Variants in CDH12 observed in about 807,000 individuals in gnomAD.
CDH12 encodes the protein cadherin 12.
In CDH12, 41 loss-of-function variants were observed where a neutral mutation model predicts 74.1. That is an observed-to-expected ratio of 0.55 (90% CI 0.43 to 0.72). The LOEUF is 0.72. Ranked by LOEUF, CDH12 falls within the 30% of genes least tolerant of loss-of-function variation. The probability of loss-of-function intolerance (pLI) is 0.00; values close to 1 mark genes in which losing one functional copy is unlikely to be tolerated. For missense variants in CDH12, 945 were observed against 977.2 expected, an observed-to-expected ratio of 0.97 and a Z score of 0.44; for synonymous variants, 399 against 355.0, an observed-to-expected ratio of 1.12 and a Z score of -1.39.
intron 2 of CDH12, among the ~76,000 whole-genome samples, chr5:22,481,884 A>G (rs2551501): frequency 0.94 from 142,824 of 152,026 alleles, 67,175 homozygotes; most frequent in Admixed American, 0.97. Flanking sequence ...GCACTTAAGA[A>G]AAAAACAAAA....
chr5:22,564,571 A>G (rs1310205601), intron 1 of CDH12, among the ~76,000 whole-genome samples: 1 of 151,138 alleles, frequency 6.6e-6, no homozygotes, highest in African/African-American at 2.4e-5. Context: ...CTTTCTTTTA[A>G]ATTTTTTACT....
chr5:22,454,003 A>G (rs1026365823), intron 2 of CDH12, among the ~76,000 whole-genome samples: 1 of 152,302 alleles, frequency 6.6e-6, no homozygotes, highest in Non-Finnish European at 1.5e-5. Flanking sequence ...AATATGAGAT[A>G]TAATAAGTAA....
intron 5 of CDH12, among the ~76,000 whole-genome samples, chr5:22,029,383 C>A (rs1449289621): frequency 2.0e-5 from 3 of 151,934 alleles, no homozygotes; most frequent in East Asian, 1.9e-4. Context: ...GGCTAATATC[C>A]AGAATCTACA....
intron 6 of CDH12, among the ~76,000 whole-genome samples, chr5:21,956,797 T>A (rs1756119932): frequency 6.6e-6 from 1 of 152,238 alleles, no homozygotes; most frequent in South Asian, 2.1e-4. Flanking sequence ...AGCATTATTA[T>A]TAAATAAAGA....
intron 1 of CDH12, among the ~76,000 whole-genome samples, chr5:22,566,788 A>G (rs1222764625): frequency 6.6e-6 from 1 of 152,150 alleles, no homozygotes; most frequent in East Asian, 1.9e-4. Flanking sequence ...CAATAATAAC[A>G]TTACTAAACA....
intron 3 of CDH12, among the ~76,000 whole-genome samples, chr5:22,366,408 A>G (rs116596573): frequency 0.012 from 1,826 of 152,298 alleles, 37 homozygotes; most frequent in African/African-American, 0.041. Flanking sequence ...ACAGACTGAT[A>G]GGCAGAAATC....
At chr5:22,786,539 A>G (rs190717405) in intron 1 of CDH12, among the ~76,000 whole-genome samples, 1 of 152,046 alleles carries the variant, frequency 6.6e-6, no homozygotes, top group Non-Finnish European at 1.5e-5. Context: ...TCTAATAAAA[A>G]CCTTGGACTC....
intron 6 of CDH12, among the ~76,000 whole-genome samples, chr5:21,917,382 C>T (rs1212472726): frequency 6.6e-6 from 1 of 152,140 alleles, no homozygotes; most frequent in Non-Finnish European, 1.5e-5. Flanking sequence ...GTCAAAGTTA[C>T]TACAGTTTTA....
intron 3 of CDH12, among the ~76,000 whole-genome samples, chr5:22,369,320 T>C (rs1741169013): frequency 6.6e-6 from 1 of 152,076 alleles, no homozygotes; most frequent in Non-Finnish European, 1.5e-5. Context: ...TTTTAATATG[T>C]AAACAGGATT....
intron 1 of CDH12, among the ~76,000 whole-genome samples, chr5:22,700,805 T>C (rs1236801175): frequency 1.3e-5 from 2 of 152,214 alleles, no homozygotes; most frequent in African/African-American, 4.8e-5. Flanking sequence ...AATGACCAGG[T>C]AAATGAGATA....
At chr5:21,784,006 C>T (rs1746064932) in intron 10 of CDH12, among the ~76,000 whole-genome samples, 1 of 152,070 alleles carries the variant, frequency 6.6e-6, no homozygotes, top group East Asian at 1.9e-4. Context: ...TTTCCTCAAA[C>T]ACATATAAAA....
At chr5:22,465,506 C>T (rs1482707458) in intron 2 of CDH12, among the ~76,000 whole-genome samples, 2 of 152,006 alleles carry the variant, frequency 1.3e-5, no homozygotes, top group Non-Finnish European at 2.9e-5. Context: ...ATTAGCTAGG[C>T]ATTCTGGTGC....
At chr5:22,531,348 G>A (rs1485694119) in intron 1 of CDH12, among the ~76,000 whole-genome samples, 1 of 152,054 alleles carries the variant, frequency 6.6e-6, no homozygotes, top group East Asian at 1.9e-4. Context: ...TGTTTTCCAT[G>A]TTATGGTGAA....
At chr5:21,845,657 T>C (rs1750127724) in intron 7 of CDH12, among the ~76,000 whole-genome samples, 1 of 151,854 alleles carries the variant, frequency 6.6e-6, no homozygotes, top group African/African-American at 2.4e-5. Context: ...ATGTAGAATG[T>C]TTTGTTGCAT....
intron 1 of CDH12, among the ~76,000 whole-genome samples, chr5:22,787,596 T>G (rs941910359): frequency 4.7e-5 from 7 of 150,196 alleles, no homozygotes; most frequent in Non-Finnish European, 9.0e-5. Context: ...TTTAATAATG[T>G]TTTATTTTTA....
At chr5:22,105,543 C>A (rs182085174) in intron 4 of CDH12, among the ~76,000 whole-genome samples, 80 of 151,328 alleles carry the variant, frequency 5.3e-4, no homozygotes, top group African/African-American at 1.7e-3. Context: ...ACTAAAAATA[C>A]AAAACTTAGC....
At chr5:22,446,579 C>T (rs1744824139) in intron 2 of CDH12, among the ~76,000 whole-genome samples, 1 of 151,940 alleles carries the variant, frequency 6.6e-6, no homozygotes, top group South Asian at 2.1e-4. Context: ...CAGTCAAGAT[C>T]TTTTTTGATG....
chr5:21,876,023 G>A (rs1268360336), intron 6 of CDH12, among the ~76,000 whole-genome samples: 1 of 151,826 alleles, frequency 6.6e-6, no homozygotes, highest in Non-Finnish European at 1.5e-5. Flanking sequence ...AGCCTTTGGA[G>A]TAGCTGGGAC....
chr5:22,822,551 C>A (rs1478717044), intron 1 of CDH12, among the ~76,000 whole-genome samples: 1 of 152,126 alleles, frequency 6.6e-6, no homozygotes, highest in Admixed American at 6.6e-5. Flanking sequence ...AAACAAACAA[C>A]CCCATCAAAA....
Sources: allele counts gnomAD v4.1 joint callset (sites outside exome capture counted in the v4.1 genomes callset), GRCh38; gene constraint gnomAD v4.1.1; transcripts MANE v1.5; gene names NCBI Gene and HGNC (gene_info 2026-07-23, HGNC 2026-07-21).